Variants in DLG2 observed in about 807,000 individuals in gnomAD.
DLG2 encodes discs large MAGUK scaffold protein 2.
DLG2 carries 45 observed loss-of-function variants against 132.5 expected under a neutral mutation model. That is an observed-to-expected ratio of 0.34 (90% CI 0.27 to 0.44). DLG2 has a LOEUF of 0.44. Among genes scored for constraint, DLG2 ranks in the 20% least tolerant of loss-of-function variants. The pLI, the probability that DLG2 is intolerant of heterozygous loss-of-function variation, is 1.00. For synonymous variants in DLG2, 424 were observed against 419.6 expected, an observed-to-expected ratio of 1.01 and a Z score of -0.13; for missense variants, 1,045 against 1,196.9, an observed-to-expected ratio of 0.87 and a Z score of 1.87.
At chr11:85,150,306 C>T (rs762791772) in intron 5 of DLG2, among the ~76,000 whole-genome samples, 1 of 152,044 alleles carries the variant, frequency 6.6e-6, no homozygotes, top group Non-Finnish European at 1.5e-5. Context: ...AGGCGTGAGC[C>T]ACCGTGCCCG....
intron 8 of DLG2, among the ~76,000 whole-genome samples, chr11:84,165,633 T>C (rs1006819191): frequency 3.4e-4 from 51 of 152,104 alleles, no homozygotes; most frequent in African/African-American, 1.2e-3. Flanking sequence ...GGCTGGGTGG[T>C]TCACACCTGT....
chr11:84,077,186 G>A (rs940807308), intron 10 of DLG2, among the ~76,000 whole-genome samples: 1 of 152,162 alleles, frequency 6.6e-6, no homozygotes, highest in African/African-American at 2.4e-5. Context: ...TACCAGTCAA[G>A]CTTATCAGAA....
At chr11:83,622,342 T>C (rs1188839750) in intron 19 of DLG2, among the ~76,000 whole-genome samples, 1 of 152,202 alleles carries the variant, frequency 6.6e-6, no homozygotes, top group Non-Finnish European at 1.5e-5. Flanking sequence ...ACTGTGCTCT[T>C]TAATGTGGGA....
intron 19 of DLG2, among the ~76,000 whole-genome samples, chr11:83,567,404 G>C (rs1354392022): frequency 2.6e-5 from 4 of 152,046 alleles, no homozygotes; most frequent in Non-Finnish European, 5.9e-5. Flanking sequence ...TTGGGAACCT[G>C]GTTTTGCCTC....
chr11:85,488,553 G>A (rs1385492838), intron 3 of DLG2, among the ~76,000 whole-genome samples: 3 of 152,056 alleles, frequency 2.0e-5, no homozygotes, highest in Non-Finnish European at 2.9e-5. Flanking sequence ...TGTGAAAACG[G>A]ACCAATACAC....
intron 6 of DLG2, among the ~76,000 whole-genome samples, chr11:85,029,334 A>G (rs1267397687): frequency 6.6e-6 from 1 of 152,162 alleles, no homozygotes; most frequent in Non-Finnish European, 1.5e-5. Flanking sequence ...ACCAGTGCCC[A>G]TTCACTGATG....
chr11:84,667,057 A>G (rs961474680), intron 6 of DLG2, among the ~76,000 whole-genome samples: 1 of 152,156 alleles, frequency 6.6e-6, no homozygotes, highest in African/African-American at 2.4e-5. Context: ...TTTATTGATG[A>G]GAATGCCACA....
At chr11:84,423,760 C>A (rs192348920) in intron 7 of DLG2, among the ~76,000 whole-genome samples, 1 of 152,188 alleles carries the variant, frequency 6.6e-6, no homozygotes, top group East Asian at 1.9e-4. Context: ...AAGACATGTT[C>A]TTTGCTCAAC....
chr11:83,953,864 T>G (rs764195533), intron 14 of DLG2, among the ~76,000 whole-genome samples: 3 of 152,182 alleles, frequency 2.0e-5, no homozygotes, highest in Admixed American at 6.5e-5. Context: ...AACTGATGGT[T>G]GGCTTCTACA....
chr11:83,676,753 T>C (rs998493563), intron 18 of DLG2, among the ~76,000 whole-genome samples: 1 of 152,154 alleles, frequency 6.6e-6, no homozygotes, highest in Non-Finnish European at 1.5e-5. Context: ...TGGCACTACT[T>C]ACAATGGAAA....
At chr11:83,563,223 C>T (rs961689853) in intron 19 of DLG2, among the ~76,000 whole-genome samples, 8 of 152,106 alleles carry the variant, frequency 5.3e-5, no homozygotes, top group African/African-American at 1.2e-4. Flanking sequence ...ATGATCCGCC[C>T]GCCTCGGCCT....
In DLG2 at chr11:83,456,699, A is replaced by T. The variant is rs1275929983; in HGVS notation, c.*3119T>A. ...ATTAGTCGGAAGTAGAAGGAGGAGGAGAGTAAGGAAAAGAATGAGAAAAAA... is the reference window on the plus strand; with the variant it reads ...ATTAGTCGGAAGTAGAAGGAGGAGGTGAGTAAGGAAAAGAATGAGAAAAAA... On this transcript the variant is annotated 3_prime_UTR_variant, in exon 28 of 28. Coordinates refer to ENST00000376104, the MANE Select transcript of DLG2 (RefSeq NM_001142699.3). The T allele has an allele frequency of 6.6e-6, 1 of 150,658 alleles. No individual in the cohort carries two copies. Among genetic ancestry groups the T allele is most frequent in the African/African-American group, 2.4e-5 (1 of 41,066 alleles). The allele number at this position is 150,658 out of a possible 1,614,324, so 9.3% of individuals were successfully genotyped here.
At chr11:83,670,635 C>A (rs890825828) in intron 18 of DLG2, among the ~76,000 whole-genome samples, 3 of 151,672 alleles carry the variant, frequency 2.0e-5, no homozygotes, top group African/African-American at 4.8e-5. Context: ...CACAAAAAAA[C>A]CCAGCAATTC....
chr11:84,153,494 G>C (rs115109058), intron 9 of DLG2, among the ~76,000 whole-genome samples: 3,080 of 151,786 alleles, frequency 0.02, 95 homozygotes, highest in African/African-American at 0.071. Context: ...TTGTAGTTTA[G>C]TTCTCCTTAC....
At chr11:85,315,588 G>C (rs2080607874) in intron 3 of DLG2, among the ~76,000 whole-genome samples, 1 of 151,946 alleles carries the variant, frequency 6.6e-6, no homozygotes, top group Non-Finnish European at 1.5e-5. Flanking sequence ...CCAATGCAGG[G>C]AGCAACAGTG....
At chr11:84,697,890 A>T (rs2058784349) in intron 6 of DLG2, among the ~76,000 whole-genome samples, 1 of 151,484 alleles carries the variant, frequency 6.6e-6, no homozygotes, top group Non-Finnish European at 1.5e-5. Flanking sequence ...GAAAAGCACA[A>T]GGTGTATTTG....
intron 8 of DLG2, among the ~76,000 whole-genome samples, chr11:84,230,546 T>C (rs1193924384): frequency 1.3e-5 from 2 of 152,200 alleles, no homozygotes; most frequent in Non-Finnish European, 2.9e-5. Flanking sequence ...TTTTTCCTGG[T>C]TCTAAGTGCT....
chr11:83,587,911 C>G (rs1183347850), intron 19 of DLG2, among the ~76,000 whole-genome samples: 1 of 152,204 alleles, frequency 6.6e-6, no homozygotes, highest in Non-Finnish European at 1.5e-5. Context: ...GTCACTCCCA[C>G]CTGAATACTG....
chr11:83,477,686 T>C (rs1239049329), intron 22 of DLG2, among the ~76,000 whole-genome samples: 3 of 152,048 alleles, frequency 2.0e-5, no homozygotes, highest in Non-Finnish European at 4.4e-5. Context: ...AGAGTGGATA[T>C]GGAATGGTAA....
Sources: allele counts gnomAD v4.1 joint callset (sites outside exome capture counted in the v4.1 genomes callset), GRCh38; gene constraint gnomAD v4.1.1; transcripts MANE v1.5; gene names NCBI Gene and HGNC (gene_info 2026-07-23, HGNC 2026-07-21).